MYH13: variants seen among roughly 807,000 people sequenced by gnomAD.
MYH13 encodes the protein myosin heavy chain 13.
A neutral mutation model predicts 232.1 loss-of-function variants in MYH13; 177 were observed. The ratio of observed to expected loss-of-function variants is 0.76; its 90% confidence interval spans 0.67 to 0.86. MYH13 has a LOEUF of 0.86. Among genes scored for constraint, MYH13 ranks in the 40% least tolerant of loss-of-function variants. The pLI, the probability that MYH13 is intolerant of heterozygous loss-of-function variation, is 0.00. For missense variants in MYH13, 2,246 were observed against 2,405.9 expected (o/e 0.93, Z 1.39); for synonymous variants, 884 against 923.5 (o/e 0.96, Z 0.78).
At position 10,354,731 on chromosome 17, in the gene MYH13, T is replaced by C; in HGVS notation, c.954A>G (p.Gly318=). 3.1e-6 allele frequency: 5 copies of C among 1,614,002 alleles called. No homozygotes were observed. Among genetic ancestry groups the C allele is most frequent in the Non-Finnish European group, 4.2e-6 (5 of 1,179,896 alleles). Residue 318 remains glycine, a synonymous_variant, in exon 11 of 41, where the codon GGA becomes GGG. Transcript: ENST00000252172. ...NPFDFPFVSQ[G]EVTVASIDDS... is the part of the protein sequence containing the mutation. Reference sequence around the variant, plus strand: ...CATCGATACTGGCTACCGTGACCTCTCCTTGGCTCACGAAGGGGAAGTCGA... The same window carrying C: ...CATCGATACTGGCTACCGTGACCTCCCCTTGGCTCACGAAGGGGAAGTCGA...
intron 13 of MYH13, 28 bp downstream of exon 13, chr17:10,346,652 T>A (rs928870781): frequency 1.3e-6 from 2 of 1,543,302 alleles, no homozygotes; most frequent in Non-Finnish European, 1.8e-6. Flanking sequence ...AAGATCTCAA[T>A]CAACTGGATT....
chr17:10,372,033 A>C (rs181903656), intron 1 of MYH13, among the ~76,000 whole-genome samples: 1 of 152,180 alleles, frequency 6.6e-6, no homozygotes, highest in Non-Finnish European at 1.5e-5. Flanking sequence ...GGAATATTTC[A>C]TGAAGCCCTA....
In MYH13 at chr17:10,330,409, A is replaced by C. The variant is rs1567663750; in HGVS notation, c.2413T>G (p.Phe805Val). The change falls in exon 21 of 41, where the codon TTC becomes GTC. Residue 805 changes from phenylalanine to valine, a missense_variant. By Grantham distance (50) the Phe-to-Val change is conservative. Coordinates refer to ENST00000252172, the MANE Select transcript of MYH13 (RefSeq NM_003802.3). ...VCRGYLMRVE[F>V]KKMMERRDSI... ...CACCTCCTCTCCATCATCTTCTTGA[A>C]CTCCACCCGCATCAGGTACCCCCTG... 6.2e-7 allele frequency: 1 copy of C among 1,612,204 alleles called. No individual in the cohort carries two copies. Among genetic ancestry groups the C allele is most frequent in the Non-Finnish European group, 8.5e-7 (1 of 1,179,438 alleles).
At chr17:10,341,908 A>G (rs1328527886) in intron 16 of MYH13, among the ~76,000 whole-genome samples, 4 of 152,196 alleles carry the variant, frequency 2.6e-5, no homozygotes, top group Non-Finnish European at 4.4e-5. Flanking sequence ...TCATTATCTA[A>G]TGAATAATTA....
intron 1 of MYH13, among the ~76,000 whole-genome samples, 195 bp downstream of exon 1, chr17:10,372,784 C>A (rs944430555): frequency 6.6e-6 from 1 of 151,926 alleles, no homozygotes; most frequent in Non-Finnish European, 1.5e-5. Context: ...GTCTTTTCAC[C>A]CCTTGTAAAA....
At chr17:10,345,886 G>A (rs1306472150) in intron 13 of MYH13, among the ~76,000 whole-genome samples, 5 of 150,206 alleles carry the variant, frequency 3.3e-5, no homozygotes, top group Non-Finnish European at 4.4e-5. Flanking sequence ...CCAGCTATTC[G>A]GGAGGCTGAG....
At chr17:10,338,942 C>T (rs1367381111) in intron 18 of MYH13, among the ~76,000 whole-genome samples, 4 of 152,088 alleles carry the variant, frequency 2.6e-5, no homozygotes, top group Admixed American at 2.6e-4. Flanking sequence ...ACCTCGTGAT[C>T]CACCCGACTC....
At chr17:10,358,758 C>T (rs1043189814) in intron 7 of MYH13, among the ~76,000 whole-genome samples, 3 of 151,790 alleles carry the variant, frequency 2.0e-5, no homozygotes, top group Non-Finnish European at 4.4e-5. Context: ...CCTGTCTCTC[C>T]AAAATAAAAA....
At position 10,303,413 on chromosome 17, in the gene MYH13, A is replaced by G. The variant is rs1181950176; in HGVS notation, c.5552T>C (p.Val1851Ala). The stretch of plus-strand genomic sequence containing the variant: ...CCCTACCTGGTAAGTCATCTCCTTG[A>G]CTTTGCGTTCGTACTTGTGGGCTCC... Reference protein sequence around the residue: ...LKGAHKYERKVKEMTYQAEED... With the variant: ...LKGAHKYERKAKEMTYQAEED... Residue 1851 changes from valine to alanine, a missense_variant, in exon 38 of 41, where the codon GTC (valine) becomes GCC (alanine). By Grantham distance (64) the Val-to-Ala change is moderately conservative (BLOSUM62 0). Coordinates refer to ENST00000252172, the MANE Select transcript of MYH13 (RefSeq NM_003802.3). 1.2e-6 allele frequency: 2 copies of G among 1,613,652 alleles called. No homozygotes were observed. The highest frequency in any genetic ancestry group is 2.7e-5 in the African/African-American group (2 of 74,858).
At chr17:10,360,513 T>A (rs1399343008) in intron 5 of MYH13, among the ~76,000 whole-genome samples, 1 of 152,188 alleles carries the variant, frequency 6.6e-6, no homozygotes, top group African/African-American at 2.4e-5. Context: ...AGAAAGCAAG[T>A]GTCAGGTTCA....
chr17:10,364,671 A>T, intron 2 of MYH13, 129 bp from the exon 3 acceptor site: 1 of 735,500 alleles, frequency 1.4e-6, no homozygotes, highest in Non-Finnish European at 2.2e-6. Context: ...GTCCTGAGGG[A>T]TCTATGGCCA....
chr17:10,362,982 G>A (rs374907180), intron 3 of MYH13, among the ~76,000 whole-genome samples: 5 of 151,982 alleles, frequency 3.3e-5, no homozygotes, highest in African/African-American at 9.7e-5. Context: ...ACTCTTCCAC[G>A]ACCCATCTCC....
intron 12 of MYH13, among the ~76,000 whole-genome samples, chr17:10,347,761 C>T (rs907456842): frequency 2.2e-5 from 3 of 134,490 alleles, no homozygotes; most frequent in African/African-American, 7.9e-5. Flanking sequence ...CAATGTTGCC[C>T]AGGCTGGAGT....
chr17:10,337,675 A>T (rs1006090869), intron 18 of MYH13, among the ~76,000 whole-genome samples: 8 of 152,356 alleles, frequency 5.3e-5, no homozygotes, highest in African/African-American at 1.4e-4. Context: ...AGAAATTGAC[A>T]TGAAAACAGA....
At chr17:10,329,616 A>C (rs1003932679) in intron 21 of MYH13, among the ~76,000 whole-genome samples, 2 of 152,098 alleles carry the variant, frequency 1.3e-5, no homozygotes, top group Non-Finnish European at 2.9e-5. Flanking sequence ...TCTCTATTCC[A>C]ATGACAGCCA....
chr17:10,322,839 T>A (rs1182558252), intron 23 of MYH13, among the ~76,000 whole-genome samples: 1 of 152,094 alleles, frequency 6.6e-6, no homozygotes, highest in Non-Finnish European at 1.5e-5. Flanking sequence ...TTCACCATGT[T>A]AGCCAGGATG....
intron 16 of MYH13, chr17:10,341,365 C>T (rs1217853061): frequency 6.6e-6 from 1 of 152,100 alleles, no homozygotes; most frequent in African/African-American, 2.4e-5. Flanking sequence ...TTTGTAGTTT[C>T]TTTCATGAAT....
In MYH13 at chr17:10,309,575, G is replaced by C. The variant is rs771955776; in HGVS notation, c.4912C>G (p.Arg1638Gly). The C allele has an allele frequency of 1.2e-5, 19 of 1,613,198 alleles. No homozygotes were observed. The South Asian group carries it at 2.0e-4, about 17-fold the overall frequency. Residue 1638 changes from arginine to glycine, a missense_variant, in exon 34 of 41, where the codon CGC (arginine) becomes GGC (glycine). Arg to Gly is a moderately radical substitution (Grantham distance 125). Coordinates refer to ENST00000252172, the MANE Select transcript of MYH13 (RefSeq NM_003802.3). ...TGCTTCTGGGTCTCTGCCATCTGGC[G>C]GTTGGAGTGGCCCAGCTGAATCTCC... Reference protein sequence around the residue: ...EMEIQLGHSNRQMAETQKHLR... With the variant: ...EMEIQLGHSNGQMAETQKHLR...
intron 7 of MYH13, 91 bp from the exon 8 acceptor site, chr17:10,357,918 G>A: frequency 3.4e-6 from 4 of 1,162,808 alleles, no homozygotes; most frequent in Non-Finnish European, 5.0e-6. Flanking sequence ...CTCTGGGCAG[G>A]TTCAGGTAGA....
Sources: gnomAD v4.1 joint callset for allele counts (sites outside exome capture counted in the v4.1 genomes callset) on GRCh38, gnomAD v4.1.1 for gene constraint, MANE v1.5 for transcripts, NCBI Gene and HGNC (gene_info 2026-07-23, HGNC 2026-07-21) for gene names.